EPC2: variants seen among roughly 807,000 people sequenced by gnomAD.
EPC2 encodes the protein enhancer of polycomb homolog 2.
In EPC2, 14 loss-of-function variants were observed where a neutral mutation model predicts 92.1. The observed-to-expected ratio is 0.15, with a 90% CI of 0.10 to 0.24. The LOEUF (loss-of-function observed/expected upper bound fraction) is 0.24. Among genes scored for constraint, EPC2 ranks in the 10% least tolerant of loss-of-function variants. The pLI, the probability that EPC2 is intolerant of heterozygous loss-of-function variation, is 1.00. For synonymous variants in EPC2, 340 were observed against 334.7 expected, an observed-to-expected ratio of 1.02 and a Z score of -0.17; for missense variants, 755 against 971.5, an observed-to-expected ratio of 0.78 and a Z score of 2.96.
intron 1 of EPC2, among the ~76,000 whole-genome samples, chr2:148,682,903 G>A (rs1311761893): frequency 4.0e-5 from 6 of 151,878 alleles, no homozygotes; most frequent in Non-Finnish European, 8.8e-5. Flanking sequence ...ACCCTCTCAG[G>A]CAACCAACTA....
At chr2:148,707,206 C>G (rs761880531) in intron 2 of EPC2, among the ~76,000 whole-genome samples, 38 of 151,872 alleles carry the variant, frequency 2.5e-4, no homozygotes, top group Admixed American at 2.5e-3. Flanking sequence ...TCCTAGTCTC[C>G]GATAAAACAG....
At chr2:148,658,955 A>G (rs1053265621) in intron 1 of EPC2, among the ~76,000 whole-genome samples, 7 of 152,000 alleles carry the variant, frequency 4.6e-5, no homozygotes, top group African/African-American at 1.7e-4. Flanking sequence ...TGCAGGGTAT[A>G]TCCTCAAGTT....
rs758532643 is a variant in EPC2, at chr2:148,771,224, T to A, written c.1557T>A (p.Asn519Lys). Residue 519 changes from asparagine to lysine, a missense_variant, in exon 10 of 14, where the codon AAT (asparagine) becomes AAA (lysine). This residue lies in a region of EPC2 where 509 missense variants were observed against 607.7 expected (regional missense o/e 0.84). Coordinates refer to ENST00000258484, the MANE Select transcript of EPC2 (RefSeq NM_015630.4). ...TGTCTCTTTCTGAAATATTAAGCAA[T>A]ATCAGATCATGTCGACTACAGTGTT... Reference protein sequence around the residue: ...NRLSLSEILSNIRSCRLQCFQ... With the variant: ...NRLSLSEILSKIRSCRLQCFQ... 1.1e-5 allele frequency: 17 copies of A among 1,613,822 alleles called. No individual in the cohort carries two copies. The African/African-American group carries it at 1.7e-4, about 16-fold the overall frequency.
At chr2:148,771,564 T>C (rs1306648602) in intron 10 of EPC2, among the ~76,000 whole-genome samples, 177 bp downstream of exon 10, 3 of 152,182 alleles carry the variant, frequency 2.0e-5, no homozygotes, top group Admixed American at 1.3e-4. Flanking sequence ...ACCACTGACA[T>C]CTGTTTCGGG....
At chr2:148,671,181 T>C (rs1378542089) in intron 1 of EPC2, among the ~76,000 whole-genome samples, 1 of 152,236 alleles carries the variant, frequency 6.6e-6, no homozygotes, top group African/African-American at 2.4e-5. Context: ...AGTGTGTTTT[T>C]ATTTATTGGT....
At chr2:148,782,200 C>T (rs1203699868) in intron 11 of EPC2, among the ~76,000 whole-genome samples, 1 of 152,122 alleles carries the variant, frequency 6.6e-6, no homozygotes, top group Non-Finnish European at 1.5e-5. Context: ...TGCAATACAT[C>T]AACAGCATAA....
chr2:148,758,791 TG>T (rs1683243063), intron 4 of EPC2, among the ~76,000 whole-genome samples: 1 of 152,182 alleles, frequency 6.6e-6, no homozygotes, highest in Admixed American at 6.5e-5. Context: ...TCAGCAGTAA[TG>T]GGACAAATAG....
At chr2:148,660,708 G>A (rs1680914541) in intron 1 of EPC2, among the ~76,000 whole-genome samples, 1 of 151,588 alleles carries the variant, frequency 6.6e-6, no homozygotes, top group Admixed American at 6.6e-5. Context: ...ACACTGCGTT[G>A]TAGATCAGTA....
chr2:148,700,993 G>GATTGATACTTA (rs1001534341), intron 2 of EPC2, among the ~76,000 whole-genome samples: 3 of 152,068 alleles, frequency 2.0e-5, no homozygotes, highest in African/African-American at 7.2e-5. Context: ...TGTTTTGTTA[G>GATTGATACTTA]ATTGATACTT....
At chr2:148,660,489 A>G (rs1680909408) in intron 1 of EPC2, among the ~76,000 whole-genome samples, 1 of 151,984 alleles carries the variant, frequency 6.6e-6, no homozygotes, top group South Asian at 2.1e-4. Flanking sequence ...ATTTGTTATT[A>G]CTGTAACTAG....
intron 4 of EPC2, among the ~76,000 whole-genome samples, chr2:148,756,705 A>G (rs1168021759): frequency 6.6e-6 from 1 of 152,224 alleles, no homozygotes; most frequent in Non-Finnish European, 1.5e-5. Flanking sequence ...TTAACCACAT[A>G]GATTCAACTC....
chr2:148,675,825 A>G (rs1255537823), intron 1 of EPC2, among the ~76,000 whole-genome samples: 2 of 152,222 alleles, frequency 1.3e-5, no homozygotes, highest in East Asian at 3.8e-4. Context: ...AGAGTATATA[A>G]GTATAGGCAT....
At chr2:148,752,497 T>C (rs1209777999) in intron 3 of EPC2, among the ~76,000 whole-genome samples, 1 of 152,182 alleles carries the variant, frequency 6.6e-6, no homozygotes, top group Non-Finnish European at 1.5e-5. Context: ...TGTGGTCTTA[T>C]TTTCCAGACT....
At chr2:148,725,097 A>C (rs912620121) in intron 2 of EPC2, among the ~76,000 whole-genome samples, 10 of 152,130 alleles carry the variant, frequency 6.6e-5, no homozygotes, top group Non-Finnish European at 1.3e-4. Flanking sequence ...TATAGAATTC[A>C]ATCTTTAAGA....
intron 5 of EPC2, 87 bp downstream of exon 5, chr2:148,762,017 G>C (rs1683308172): frequency 2.6e-6 from 3 of 1,149,148 alleles, no homozygotes; most frequent in East Asian, 5.4e-5. Flanking sequence ...GGGGGAACAG[G>C]TTAAGCTTTA....
chr2:148,734,649 C>T (rs1005922287), intron 2 of EPC2, among the ~76,000 whole-genome samples: 1 of 151,984 alleles, frequency 6.6e-6, no homozygotes, highest in African/African-American at 2.4e-5. Flanking sequence ...CAAATTATTT[C>T]ATTTAATTTC....
intron 3 of EPC2, among the ~76,000 whole-genome samples, chr2:148,752,767 C>T (rs1386184930): frequency 6.6e-6 from 1 of 152,120 alleles, no homozygotes; most frequent in African/African-American, 2.4e-5. Flanking sequence ...GTGATCAGTG[C>T]ATTTATTCCA....
rs201660966 is a variant in EPC2, at chr2:148,785,232, T to TAGAG, written c.2351+245_2351+248dup. Reference sequence around the variant, plus strand: ...TTGTTAGAGAAAGACAGAGTAGTAGTAGAGAGAGAGAGAGAGAAAGGAAAA... The same window carrying TAGAG: ...TTGTTAGAGAAAGACAGAGTAGTAGTAGAGAGAGAGAGAGAGAGAGAAAGGAAAA... On this transcript the variant is annotated intron_variant, in intron 13 of 13. Transcript: ENST00000258484. Among the ~76,000 whole-genome samples, 47 of 150,012 alleles carry TAGAG rather than the reference T, an allele frequency of 3.1e-4. No individual in the cohort carries two copies. The East Asian group carries it at 7.8e-3, about 25-fold the overall frequency.
At chr2:148,776,157 T>G (rs1683641565) in intron 10 of EPC2, among the ~76,000 whole-genome samples, 1 of 152,174 alleles carries the variant, frequency 6.6e-6, no homozygotes, top group Admixed American at 6.5e-5. Flanking sequence ...CTTCAGTTTC[T>G]CTTCCCATTC....
Sources: gnomAD v4.1 joint callset for allele counts (sites outside exome capture counted in the v4.1 genomes callset) on GRCh38, gnomAD v4.1.1 for gene constraint, gnomAD v4.1.1 regional missense constraint, MANE v1.5 for transcripts, NCBI Gene and HGNC (gene_info 2026-07-23, HGNC 2026-07-21) for gene names.